The following LRGUK variants were observed in gnomAD, a reference collection of about 807,000 sequenced individuals.
LRGUK encodes leucine-rich repeat and guanylate kinase domain-containing protein.
LRGUK carries 65 observed loss-of-function variants against 76.0 expected under a neutral mutation model. The observed-to-expected ratio is 0.85, with a 90% CI of 0.70 to 1.05. The LOEUF is 1.05. Ranked by LOEUF, LRGUK falls within the 50% of genes least tolerant of loss-of-function variation. The pLI, the probability that LRGUK is intolerant of heterozygous loss-of-function variation, is 0.00. For synonymous variants in LRGUK, 268 were observed against 265.6 expected (o/e 1.01, Z -0.09); for missense variants, 758 against 732.8 (o/e 1.03, Z -0.40).
chr7:134,254,342 T>C (rs993303372), intron 18 of LRGUK, among the ~76,000 whole-genome samples: 4 of 152,284 alleles, frequency 2.6e-5, no homozygotes, highest in African/African-American at 9.6e-5. Context: ...TTCTGGGAAT[T>C]GATACTGTCT....
At chr7:134,231,075 T>C (rs1026688776) in intron 16 of LRGUK, among the ~76,000 whole-genome samples, 1 of 152,120 alleles carries the variant, frequency 6.6e-6, no homozygotes, top group East Asian at 1.9e-4. Flanking sequence ...TTTGAAAAAT[T>C]AAGAGCAATC....
chr7:134,137,091 C>A, exon 2 of LRGUK: 2 of 1,613,166 alleles, frequency 1.2e-6, no homozygotes, highest in Non-Finnish European at 1.7e-6. Flanking sequence ...GGCGCTCAGG[C>A]TCTGGGACTG....
exon 2 of LRGUK, chr7:134,137,103 G>C: frequency 6.2e-7 from 1 of 1,612,486 alleles, no homozygotes; most frequent in Non-Finnish European, 8.5e-7. Context: ...CTGGGACTGA[G>C]CAAGTCTACC....
intron 16 of LRGUK, among the ~76,000 whole-genome samples, chr7:134,237,424 A>G (rs1802043553): frequency 6.6e-6 from 1 of 152,118 alleles, no homozygotes; most frequent in Non-Finnish European, 1.5e-5. Flanking sequence ...TTAAATTATC[A>G]TTTATGGTCA....
chr7:134,201,641 G>C, intron 15 of LRGUK, 65 bp downstream of exon 15: 1 of 1,191,168 alleles, frequency 8.4e-7, no homozygotes, highest in Non-Finnish European at 1.2e-6. Context: ...ACAAATCTGA[G>C]TTGCTATTTG....
At chr7:134,196,910 A>G (rs2117072591) in intron 12 of LRGUK, 82 bp from the exon 13 acceptor site, 1 of 723,734 alleles carries the variant, frequency 1.4e-6, no homozygotes, top group Non-Finnish European at 2.4e-6. Flanking sequence ...ATTATTTAGA[A>G]TAAGACATCA....
At chr7:134,158,182 C>G in intron 6 of LRGUK, 23 bp downstream of exon 6, 2 of 1,600,186 alleles carry the variant, frequency 1.2e-6, no homozygotes, top group South Asian at 2.2e-5. Flanking sequence ...AAATGCTGTT[C>G]TTTATAGAAG....
At chr7:134,210,648 G>A (rs1251743860), downstream of LRGUK, among the ~76,000 whole-genome samples, 1 of 152,200 alleles carries the variant, frequency 6.6e-6, no homozygotes, top group African/African-American at 2.4e-5. Flanking sequence ...GGGAGAAAGG[G>A]ACAGGTTCAT....
chr7:134,128,370 A>G (rs1217322561), intron 1 of LRGUK, among the ~76,000 whole-genome samples: 5 of 152,138 alleles, frequency 3.3e-5, no homozygotes, highest in Non-Finnish European at 7.3e-5. Context: ...CCTCCTTTCT[A>G]CAATATCTCT....
chr7:134,263,284 ACTC>A (rs72456936), intron 19 of LRGUK, among the ~76,000 whole-genome samples: 52,753 of 151,448 alleles, frequency 0.35, 11,020 homozygotes, highest in South Asian at 0.5. Context: ...TATCTTCTAA[ACTC>A]CTCCTGCTTC....
chr7:134,257,352 G>A (rs1802610959), intron 18 of LRGUK, among the ~76,000 whole-genome samples: 1 of 152,186 alleles, frequency 6.6e-6, no homozygotes, highest in African/African-American at 2.4e-5. Flanking sequence ...TCAGCTGCTT[G>A]CCAGGGCTTT....
At chr7:134,250,002 C>A (rs545058198) in intron 18 of LRGUK, among the ~76,000 whole-genome samples, 7 of 152,192 alleles carry the variant, frequency 4.6e-5, no homozygotes, top group African/African-American at 1.4e-4. Context: ...ATGTCAGGCA[C>A]CTATCCTTTA....
intron 1 of LRGUK, among the ~76,000 whole-genome samples, chr7:134,129,571 C>G (rs575096735): frequency 5.3e-5 from 8 of 150,296 alleles, no homozygotes; most frequent in Non-Finnish European, 1.2e-4. Context: ...CTCCTAGTCT[C>G]AAGTAATCCT....
At chr7:134,275,368 G>A in the LRGUK span, among the ~76,000 whole-genome samples, 1 of 152,138 alleles carries the variant, frequency 6.6e-6, no homozygotes, top group Non-Finnish European at 1.5e-5. Flanking sequence ...AAAGCCAGAA[G>A]AGAAAGTGAG....
chr7:134,220,112 G>A (rs1334200768), intron 15 of LRGUK, among the ~76,000 whole-genome samples: 1 of 152,168 alleles, frequency 6.6e-6, no homozygotes, highest in East Asian at 1.9e-4. Flanking sequence ...ATAAATATGG[G>A]TCAAGTGGCT....
chr7:134,252,822 C>T (rs1802481957), intron 18 of LRGUK, among the ~76,000 whole-genome samples: 1 of 152,166 alleles, frequency 6.6e-6, no homozygotes, highest in Admixed American at 6.5e-5. Flanking sequence ...CATTCCCTTA[C>T]CTCCTGGGTC....
rs748299012 is a variant in LRGUK at position 134,137,138 on chromosome 7, T to A, written c.405+8T>A. On this transcript the variant is annotated splice_region_variant and intron_variant, in intron 2 of 15. Coordinates refer to ENST00000645682, the Ensembl canonical transcript of LRGUK. ...CTCAATCTAACTTTATCAGTGAGTA[T>A]GACAAAATCTCCATTGGCTGGCTAC... 2.5e-6 allele frequency: 4 copies of A among 1,590,580 alleles called. No individual in the cohort carries two copies. The highest frequency in any genetic ancestry group is 3.4e-6 in the Non-Finnish European group (4 of 1,162,202).
At chr7:134,208,203 C>T (rs1801086265) in intron 15 of LRGUK, among the ~76,000 whole-genome samples, 1 of 152,136 alleles carries the variant, frequency 6.6e-6, no homozygotes, top group South Asian at 2.1e-4. Context: ...CAGTTCCTGC[C>T]CCTTTGCCAG....
chr7:134,195,698 T>C (rs1434147503), intron 12 of LRGUK, among the ~76,000 whole-genome samples: 1 of 151,944 alleles, frequency 6.6e-6, no homozygotes, highest in Non-Finnish European at 1.5e-5. Context: ...ATAAACAAGA[T>C]AAAGTGTCTA....
Sources: allele counts gnomAD v4.1 joint callset (sites outside exome capture counted in the v4.1 genomes callset), GRCh38; gene constraint gnomAD v4.1.1; transcripts MANE v1.5; gene names NCBI Gene and HGNC (gene_info 2026-07-23, HGNC 2026-07-21).